PKHD1: variants seen among roughly 807,000 people sequenced by gnomAD.
PKHD1 encodes the protein fibrocystin.
A neutral mutation model predicts 412.0 loss-of-function variants in PKHD1; 291 were observed. That is an observed-to-expected ratio of 0.71 (90% confidence interval 0.64 to 0.78). The LOEUF (loss-of-function observed/expected upper bound fraction) is 0.78. Among genes scored for constraint, PKHD1 ranks in the 30% least tolerant of loss-of-function variants. PKHD1 has a pLI of 0.00. For synonymous variants in PKHD1, 1,777 were observed against 1,821.5 expected (o/e 0.98, Z 0.62); for missense variants, 4,825 against 4,950.7 (o/e 0.97, Z 0.76).
chr6:51,956,839 C>A (rs1791222939), intron 36 of PKHD1, among the ~76,000 whole-genome samples: 1 of 151,930 alleles, frequency 6.6e-6, no homozygotes, highest in Admixed American at 6.6e-5. Flanking sequence ...CAGGTATATT[C>A]ATAGAAGAGC....
chr6:52,073,493 G>C lies in PKHD1; in HGVS notation c.497C>G (p.Thr166Ser). 1 of 1,608,798 alleles carries C rather than the reference G, an allele frequency of 6.2e-7. No individual in the cohort carries two copies. Among genetic ancestry groups the C allele is most frequent in the Non-Finnish European group, 8.5e-7 (1 of 1,175,242 alleles). ...AATGTACTCAGCATCAAAATCAAAAGTTTCCAATCTTCCAGTGATAATCCA... is the reference window on the plus strand; with the variant it reads ...AATGTACTCAGCATCAAAATCAAAACTTTCCAATCTTCCAGTGATAATCCA... ...YGWIITGRLE[T>S]FDFDAEYIDS... Residue 166 changes from threonine (T) to serine (S), a missense_variant, in exon 7 of 67, where the codon ACT becomes AGT. By Grantham distance (58) the Thr-to-Ser change is moderately conservative. Coordinates refer to ENST00000371117, the MANE Select transcript of PKHD1 (RefSeq NM_138694.4).
At chr6:51,857,720 A>C (rs1312752497) in intron 48 of PKHD1, among the ~76,000 whole-genome samples, 1 of 152,204 alleles carries the variant, frequency 6.6e-6, no homozygotes, top group Non-Finnish European at 1.5e-5. Context: ...GAATGCCTAG[A>C]GGTTTATTCA....
rs1296512733 is a variant in PKHD1 at position 52,056,965 on chromosome 6, T to C, written c.1527A>G (p.Ser509=). Reference sequence around the variant, plus strand: ...AAGTAAGGAAGAAGTTTCCTCTGCCTGATACATTCAGCACCTAAAAAAGTC... The same window carrying C: ...AAGTAAGGAAGAAGTTTCCTCTGCCCGATACATTCAGCACCTAAAAAAGTC... ...RLPEVQVLNV[S]GRGNFFLTWD... Residue 509 remains serine, a synonymous_variant, in exon 17 of 67, where the codon TCA becomes TCG. Transcript: ENST00000371117. 5 of 1,612,786 alleles carry C rather than the reference T, an allele frequency of 3.1e-6. No individual in the cohort carries two copies. The South Asian group carries it at 5.5e-5, about 18-fold the overall frequency.
At position 51,652,180 on chromosome 6, in the gene PKHD1, T is replaced by A. The variant is rs548292275; in HGVS notation, c.11175-2960A>T. Among the ~76,000 whole-genome samples the A allele has an allele frequency of 2.0e-5, 3 of 152,144 alleles. No homozygotes were observed. In the South Asian group the frequency reaches 6.2e-4, roughly 32 times the overall value. On this transcript the variant is annotated intron_variant, in intron 61 of 66. Transcript: ENST00000371117. Reference sequence around the variant, plus strand: ...ATAGCTTCCAATACCCAGTTAGGTATGTGAGAGATTTTTTTTTCTGCAATG... The same window carrying A: ...ATAGCTTCCAATACCCAGTTAGGTAAGTGAGAGATTTTTTTTTCTGCAATG...
chr6:51,664,268 T>C (rs539856102), intron 60 of PKHD1, among the ~76,000 whole-genome samples: 2 of 151,990 alleles, frequency 1.3e-5, no homozygotes, highest in Non-Finnish European at 2.9e-5. Context: ...GTCATGACAC[T>C]GGATGAAAAA....
chr6:51,952,562 C>T (rs1389080294), intron 36 of PKHD1, among the ~76,000 whole-genome samples: 2 of 152,046 alleles, frequency 1.3e-5, no homozygotes, highest in Admixed American at 6.6e-5. Context: ...AAAAATACAC[C>T]TTGATATTCT....
intron 37 of PKHD1, among the ~76,000 whole-genome samples, chr6:51,928,648 T>C (rs1445183337): frequency 6.6e-6 from 1 of 151,998 alleles, no homozygotes; most frequent in Non-Finnish European, 1.5e-5. Flanking sequence ...AGGCCTCCCC[T>C]GGTTATTTTT....
At chr6:51,869,761 C>T (rs1775677470) in intron 47 of PKHD1, among the ~76,000 whole-genome samples, 1 of 148,788 alleles carries the variant, frequency 6.7e-6, no homozygotes, top group African/African-American at 2.5e-5. Context: ...CAAATAAAAA[C>T]AATCTTTCAT....
At chr6:52,085,067 C>G (rs544472267) in intron 1 of PKHD1, 50 bp from the exon 2 acceptor site, 3 of 717,040 alleles carry the variant, frequency 4.2e-6, no homozygotes, top group Admixed American at 3.8e-5. Context: ...TGTTTACATA[C>G]GATTATTTTG....
At chr6:51,880,778 T>TTAAAAAAAAAAAAAAAAAAA (rs1777140966) in intron 46 of PKHD1, among the ~76,000 whole-genome samples, 1 of 10,542 alleles carries the variant, frequency 9.5e-5, no homozygotes, top group Non-Finnish European at 1.4e-4. Flanking sequence ...AAAAAAAAAA[T>TTAAAAAAAAAAAAAAAAAAA]TAAAAAAAAA....
rs74351029 is a variant in PKHD1, at chr6:51,795,007, G to T, written c.8303-3634C>A. Among the ~76,000 whole-genome samples the T allele has an allele frequency of 4.8e-3, 723 of 152,140 alleles. 22 individuals carry two copies. In the East Asian group the frequency reaches 0.066, roughly 14 times the overall value. On this transcript the variant is annotated intron_variant, in intron 52 of 66. Transcript: ENST00000371117. ...TTGCTTAGGATTGCCTTGGCTATTC[G>T]GGCTCTTGTTTGGTTTTATATGAAG...
Position 52,084,868 on chromosome 6 carries a change from C to T in PKHD1, c.52+14G>A, listed in dbSNP as rs774007219. 3 of 1,545,946 alleles carry T rather than the reference C, an allele frequency of 1.9e-6. No homozygotes were observed. In the South Asian group the frequency reaches 3.3e-5, roughly 17 times the overall value. ...GTTCTTACCTATAATTCCTTCAAAACACATTCTACTGACCTGCCAAAAGTA... is the reference window on the plus strand; with the variant it reads ...GTTCTTACCTATAATTCCTTCAAAATACATTCTACTGACCTGCCAAAAGTA... On this transcript the variant is annotated intron_variant, in intron 2 of 66. Coordinates refer to ENST00000371117, the MANE Select transcript of PKHD1 (RefSeq NM_138694.4).
At chr6:52,039,727 A>G (rs192587925) in intron 27 of PKHD1, among the ~76,000 whole-genome samples, 2 of 152,354 alleles carry the variant, frequency 1.3e-5, no homozygotes, top group Non-Finnish European at 2.9e-5. Context: ...TGGAGTTACC[A>G]TATGACCCAG....
chr6:51,873,555 C>T (rs1019819440), intron 46 of PKHD1, among the ~76,000 whole-genome samples: 2 of 152,070 alleles, frequency 1.3e-5, no homozygotes, highest in African/African-American at 2.4e-5. Flanking sequence ...TGAGCTATTC[C>T]CCTATGATTT....
chr6:51,730,434 C>A (rs1417060534), intron 60 of PKHD1, among the ~76,000 whole-genome samples: 1 of 152,086 alleles, frequency 6.6e-6, no homozygotes, highest in African/African-American at 2.4e-5. Flanking sequence ...TCAAATGGCT[C>A]AACGTTGCTA....
intron 29 of PKHD1, among the ~76,000 whole-genome samples, chr6:52,030,524 C>G (rs1802885514): frequency 6.6e-6 from 1 of 152,160 alleles, no homozygotes; most frequent in Non-Finnish European, 1.5e-5. Flanking sequence ...AAGAAAAAGA[C>G]ATGACTACGA....
chr6:51,762,721 T>C (rs1037338477), intron 55 of PKHD1, among the ~76,000 whole-genome samples: 3 of 151,888 alleles, frequency 2.0e-5, no homozygotes, highest in East Asian at 1.9e-4. Flanking sequence ...ATCTGAAATA[T>C]GCTTATATCA....
At chr6:51,650,762 G>C (rs981753211) in intron 61 of PKHD1, among the ~76,000 whole-genome samples, 4 of 152,062 alleles carry the variant, frequency 2.6e-5, no homozygotes, top group African/African-American at 9.7e-5. Context: ...TACCAGCTAA[G>C]ACCCTGGCTT....
chr6:52,056,968 T>C lies in PKHD1; in HGVS notation c.1524A>G (p.Val508=). The change falls in exon 17 of 67, where the codon GTA becomes GTG. Residue 508 remains valine (V), a synonymous_variant. Coordinates refer to ENST00000371117, the MANE Select transcript of PKHD1 (RefSeq NM_138694.4). ...TAAGGAAGAAGTTTCCTCTGCCTGA[T>C]ACATTCAGCACCTAAAAAAGTCAAG... ...QRLPEVQVLN[V]SGRGNFFLTW... 1 of 1,612,806 alleles carries C rather than the reference T, an allele frequency of 6.2e-7. No individual in the cohort carries two copies. Among genetic ancestry groups the C allele is most frequent in the South Asian group, 1.1e-5 (1 of 91,028 alleles).
Sources: gnomAD v4.1 joint callset for allele counts (sites outside exome capture counted in the v4.1 genomes callset) on GRCh38, gnomAD v4.1.1 for gene constraint, MANE v1.5 for transcripts, NCBI Gene and HGNC (gene_info 2026-07-23, HGNC 2026-07-21) for gene names.